The following SLCO3A1 variants were observed in gnomAD, a reference collection of about 807,000 sequenced individuals.
SLCO3A1 encodes the protein solute carrier organic anion transporter family member 3A1.
In SLCO3A1, 27 loss-of-function variants were observed where a neutral mutation model predicts 63.1. The ratio of observed to expected loss-of-function variants is 0.43; its 90% confidence interval spans 0.32 to 0.59. SLCO3A1 has a LOEUF of 0.59. Among genes scored for constraint, SLCO3A1 ranks in the 20% least tolerant of loss-of-function variants. The pLI is 0.09. For missense variants in SLCO3A1, 773 were observed against 945.8 expected (o/e 0.82, Z 2.40); for synonymous variants, 473 against 409.9 (o/e 1.15, Z -1.86).
intron 2 of SLCO3A1, among the ~76,000 whole-genome samples, chr15:92,006,026 G>A (rs2151458004): frequency 6.6e-6 from 1 of 152,260 alleles, no homozygotes; most frequent in African/African-American, 2.4e-5. Flanking sequence ...CACACCAGGT[G>A]TGCTCAGGCT....
rs918295560 is a variant in SLCO3A1, at chr15:91,897,404, T to C, written c.181-18589T>C. On this transcript the variant is annotated intron_variant, in intron 1 of 9. Transcript: ENST00000318445. The surrounding 1 kb of genome is among the most constrained non-coding windows in gnomAD (Gnocchi z 4.7). ...AGGCAGAGGTTGCAGTGAGCCAAGA[T>C]TGTGCCACTGCACTCCAGCCTGGGC... is the stretch of plus-strand genomic sequence containing the variant. Among the ~76,000 whole-genome samples, 2 of 152,150 alleles carry C rather than the reference T, an allele frequency of 1.3e-5. No homozygotes were observed. Among genetic ancestry groups the C allele is most frequent in the Admixed American group, 6.5e-5 (1 of 15,280 alleles).
intron 2 of SLCO3A1, among the ~76,000 whole-genome samples, chr15:91,930,481 A>G (rs1405469495): frequency 2.0e-5 from 3 of 152,240 alleles, no homozygotes; most frequent in African/African-American, 7.2e-5. Context: ...AGTAATAACC[A>G]TATGGTTATG....
chr15:92,076,562 C>T (rs1482175227), intron 2 of SLCO3A1, among the ~76,000 whole-genome samples: 1 of 152,162 alleles, frequency 6.6e-6, no homozygotes, highest in Non-Finnish European at 1.5e-5. Flanking sequence ...AGACAGTGCC[C>T]CAGGGACCTG....
chr15:91,960,281 C>G (rs1900396039), intron 2 of SLCO3A1, among the ~76,000 whole-genome samples: 2 of 152,220 alleles, frequency 1.3e-5, no homozygotes, highest in African/African-American at 4.8e-5. Flanking sequence ...CCACGCCCGG[C>G]CTTATGTGGC....
rs1170452411 is a variant in SLCO3A1 at position 91,942,329 on chromosome 15, G to A, written c.646+25871G>A. ...GGACTTGATTAGATATTGTTACACA[G>A]TGGTGATATGAGAACACACACCTGT... On this transcript the variant is annotated intron_variant, in intron 2 of 9. Coordinates refer to ENST00000318445, the MANE Select transcript of SLCO3A1 (RefSeq NM_013272.4). The surrounding 1 kb of genome is among the most constrained non-coding windows in gnomAD (Gnocchi z 4.1). 6.6e-6 allele frequency among the ~76,000 whole-genome samples: 1 copy of A among 152,186 alleles called. No individual in the cohort carries two copies. The highest frequency in any genetic ancestry group is 1.5e-5 in the Non-Finnish European group (1 of 68,030).
chr15:92,139,975 C>G (rs1020316392), intron 7 of SLCO3A1, among the ~76,000 whole-genome samples: 3 of 145,810 alleles, frequency 2.1e-5, no homozygotes, highest in African/African-American at 7.9e-5. Flanking sequence ...GTCTCTATTT[C>G]CTTCAGTTCT....
rs1268343372 is a variant in SLCO3A1, at chr15:91,932,910, C to T, written c.646+16452C>T. 4.6e-5 allele frequency among the ~76,000 whole-genome samples: 7 copies of T among 152,104 alleles called. No homozygotes were observed. The East Asian group carries it at 1.2e-3, about 25-fold the overall frequency. ...TGCTTCCATCATGGGACACATGTAG[C>T]TTTTGTGGTGTTAACAGCTATGCTT... On this transcript the variant is annotated intron_variant, in intron 2 of 9. Transcript: ENST00000318445.
intron 3 of SLCO3A1, among the ~76,000 whole-genome samples, chr15:92,096,574 C>T (rs2151538609): frequency 6.6e-6 from 1 of 152,274 alleles, no homozygotes; most frequent in Non-Finnish European, 1.5e-5. Context: ...GGGTGAGAAG[C>T]CATTCCAGCC....
rs1443924879 is a variant in SLCO3A1 at position 91,871,542 on chromosome 15, C to CAGA, written c.180+17461_180+17463dup. Among the ~76,000 whole-genome samples, 7 of 152,248 alleles carry CAGA rather than the reference C, an allele frequency of 4.6e-5. No individual in the cohort carries two copies. In the East Asian group the frequency reaches 1.2e-3, roughly 25 times the overall value. On this transcript the variant is annotated intron_variant, in intron 1 of 9. Coordinates refer to ENST00000318445, the MANE Select transcript of SLCO3A1 (RefSeq NM_013272.4). ...GCAGATGTTTTCTCTCTTCCCTAGT[C>CAGA]AGAAGAAGAGAATATAGGGATAACT...
chr15:92,157,600 C>T (rs2048388209), intron 9 of SLCO3A1, among the ~76,000 whole-genome samples: 1 of 151,802 alleles, frequency 6.6e-6, no homozygotes, highest in African/African-American at 2.4e-5. Context: ...AAGCGATTCT[C>T]CTGCCTCAGC....
At chr15:92,159,306 G>A (rs926393882) in intron 9 of SLCO3A1, among the ~76,000 whole-genome samples, 3 of 152,058 alleles carry the variant, frequency 2.0e-5, no homozygotes, top group African/African-American at 7.2e-5. Context: ...CCAACATAGT[G>A]AAACCCCGTC....
intron 2 of SLCO3A1, among the ~76,000 whole-genome samples, chr15:92,056,845 T>C (rs1051944844): frequency 1.3e-5 from 2 of 152,182 alleles, no homozygotes; most frequent in Non-Finnish European, 2.9e-5. Context: ...CCAGAGTTGA[T>C]TGGAGAGAAC....
chr15:91,891,528 G>C (rs573063970), intron 1 of SLCO3A1, among the ~76,000 whole-genome samples: 2 of 152,166 alleles, frequency 1.3e-5, no homozygotes, highest in African/African-American at 4.8e-5. Context: ...TCCCTCTTAC[G>C]TAGGGGTTCT....
intron 2 of SLCO3A1, among the ~76,000 whole-genome samples, chr15:92,081,134 A>G (rs2047340613): frequency 6.6e-6 from 1 of 152,204 alleles, no homozygotes; most frequent in Non-Finnish European, 1.5e-5. Context: ...TTTAAATGTA[A>G]AATAAATTAC....
chr15:92,026,813 G>A (rs2046579687), intron 2 of SLCO3A1, among the ~76,000 whole-genome samples: 1 of 152,204 alleles, frequency 6.6e-6, no homozygotes, highest in Admixed American at 6.5e-5. Flanking sequence ...TTATGGCCGG[G>A]CACAGTGGCT....
chr15:92,064,268 C>T (rs1344423494), intron 2 of SLCO3A1, among the ~76,000 whole-genome samples: 2 of 152,196 alleles, frequency 1.3e-5, no homozygotes, highest in Non-Finnish European at 2.9e-5. Context: ...GATCTTTTGA[C>T]TGTTTTTAAA....
chr15:91,979,788 C>T (rs2045961294), intron 2 of SLCO3A1, among the ~76,000 whole-genome samples: 2 of 151,806 alleles, frequency 1.3e-5, no homozygotes, highest in African/African-American at 4.9e-5. Flanking sequence ...AGCGTAATGC[C>T]TTGCACCCAG....
At position 92,126,174 on chromosome 15, in the gene SLCO3A1, G is replaced by T; in HGVS notation, c.1288G>T (p.Val430Leu). 1 of 1,614,002 alleles carries T rather than the reference G, an allele frequency of 6.2e-7. No homozygotes were observed. Among genetic ancestry groups the T allele is most frequent in the Non-Finnish European group, 8.5e-7 (1 of 1,180,004 alleles). The part of the protein sequence containing the change: ...AIRMAMLVNL[V>L]STACYVSFLF... ...TCGGATGGCCATGCTCGTCAACCTG[G>T]TGTCCACTGCTTGCTACGTCTCCTT... Residue 430 changes from valine (V) to leucine (L), a missense_variant, in exon 6 of 10, where the codon GTG becomes TTG. Val to Leu is a conservative substitution (Grantham distance 32). Around this residue, in one of 3 missense-constraint regions of SLCO3A1, gnomAD observed 565 missense variants for 749.8 expected, o/e 0.75. Coordinates refer to ENST00000318445, the MANE Select transcript of SLCO3A1 (RefSeq NM_013272.4).
At chr15:91,873,394 C>G (rs1897322577) in intron 1 of SLCO3A1, among the ~76,000 whole-genome samples, 1 of 152,054 alleles carries the variant, frequency 6.6e-6, no homozygotes, top group Non-Finnish European at 1.5e-5. Context: ...AATTTTGCCC[C>G]ACTTTTGTTT....
Sources: gnomAD v4.1 joint callset for allele counts (sites outside exome capture counted in the v4.1 genomes callset) on GRCh38, gnomAD v4.1.1 for gene constraint, gnomAD v4.1.1 regional missense constraint, Gnocchi (gnomAD v3.1) non-coding constraint, MANE v1.5 for transcripts, NCBI Gene and HGNC (gene_info 2026-07-23, HGNC 2026-07-21) for gene names.